LRP1B: variants seen among roughly 807,000 people sequenced by gnomAD.
The protein encoded by LRP1B is LDL receptor related protein 1B, also known as low-density lipoprotein receptor-related protein 1B.
In LRP1B, 217 loss-of-function variants were observed where a neutral mutation model predicts 556.6. The observed-to-expected ratio is 0.39, with a 90% confidence interval of 0.35 to 0.44. The LOEUF (loss-of-function observed/expected upper bound fraction) is 0.44, where lower values mean the gene tolerates loss of function less well. LRP1B is among the 20% of genes least tolerant of loss of function. The probability of loss-of-function intolerance (pLI) is 1.00; values close to 1 mark genes in which losing one functional copy is unlikely to be tolerated. For synonymous variants in LRP1B, 2,047 were observed against 1,865.8 expected (o/e 1.10, Z -2.50); for missense variants, 5,053 against 5,620.8 (o/e 0.90, Z 3.23).
intron 1 of LRP1B, among the ~76,000 whole-genome samples, chr2:142,089,854 T>C (rs1057140515): frequency 2.0e-5 from 3 of 152,200 alleles, no homozygotes; most frequent in African/African-American, 7.2e-5. Flanking sequence ...TATTTTGATA[T>C]ATTCTTGATG....
rs529948095 is a variant in LRP1B, at chr2:140,369,227, C to T, written c.11008+1483G>A. Among the ~76,000 whole-genome samples, 5 of 151,858 alleles carry T rather than the reference C, an allele frequency of 3.3e-5. No individual in the cohort carries two copies. The South Asian group carries it at 8.3e-4, about 25-fold the overall frequency. ...ATCAGGTACCTTGAGTAAAAACTGACATAATCGGAAGGACACTTACATAAG... is the reference window on the plus strand; with the variant it reads ...ATCAGGTACCTTGAGTAAAAACTGATATAATCGGAAGGACACTTACATAAG... On this transcript the variant is annotated intron_variant, in intron 71 of 90. Coordinates refer to ENST00000389484, the MANE Select transcript of LRP1B (RefSeq NM_018557.3).
chr2:140,278,544 G>A lies in LRP1B; in HGVS notation c.12968-3946C>T, dbSNP rs186809073. Among the ~76,000 whole-genome samples, 7 of 151,756 alleles carry A rather than the reference G, an allele frequency of 4.6e-5. No homozygotes were observed. In the East Asian group the frequency reaches 1.2e-3, roughly 25 times the overall value. ...CAGAAAATCCTTCACTCTTTAATGC[G>A]TCCAATTTTTTTTCATAGCATGTCA... On this transcript the variant is annotated intron_variant, in intron 84 of 90. Coordinates refer to ENST00000389484, the MANE Select transcript of LRP1B (RefSeq NM_018557.3).
rs191448198 is a variant in LRP1B at position 141,161,136 on chromosome 2, G to A, written c.1013+27285C>T. On this transcript the variant is annotated intron_variant, in intron 7 of 90. Transcript: ENST00000389484. The stretch of plus-strand genomic sequence containing the variant: ...TTTCTTCTATCCATCATCTAAAATA[G>A]AAGAAAATTAGTGCAAAATTTTTTA... 8.5e-5 allele frequency among the ~76,000 whole-genome samples: 13 copies of A among 152,056 alleles called. No individual in the cohort carries two copies. The East Asian group carries it at 2.5e-3, about 30-fold the overall frequency.
At chr2:140,778,709 T>C (rs767003210) in intron 32 of LRP1B, among the ~76,000 whole-genome samples, 8 of 152,012 alleles carry the variant, frequency 5.3e-5, no homozygotes, top group Non-Finnish European at 1.0e-4. Context: ...CTAACAGGTG[T>C]TGAGTTTTGG....
At chr2:140,663,045 T>C (rs1164626606) in intron 41 of LRP1B, among the ~76,000 whole-genome samples, 1 of 152,136 alleles carries the variant, frequency 6.6e-6, no homozygotes, top group Admixed American at 6.6e-5. Flanking sequence ...TAAAACAACA[T>C]GTAGCCTTCA....
chr2:141,997,130 C>G (rs72853652), intron 1 of LRP1B, among the ~76,000 whole-genome samples: 32,828 of 151,848 alleles, frequency 0.22, 4,180 homozygotes, highest in East Asian at 0.31. Context: ...TTCAAATGCC[C>G]GCGAGGCCAA....
intron 46 of LRP1B, among the ~76,000 whole-genome samples, chr2:140,535,411 TG>T (rs1690905969): frequency 6.6e-6 from 1 of 152,182 alleles, no homozygotes; most frequent in African/African-American, 2.4e-5. Context: ...ACATCAATTA[TG>T]GACAAATTAC....
At chr2:140,764,677 G>C (rs192418747) in intron 35 of LRP1B, among the ~76,000 whole-genome samples, 2 of 152,266 alleles carry the variant, frequency 1.3e-5, no homozygotes, top group East Asian at 3.9e-4. Context: ...TGATCAGAAA[G>C]TAGAGTTCCC....
chr2:140,819,715 A>G (rs1360811010), intron 31 of LRP1B, among the ~76,000 whole-genome samples: 3 of 152,220 alleles, frequency 2.0e-5, no homozygotes, highest in African/African-American at 7.2e-5. Context: ...TAGAAGAAAT[A>G]AAAGTGTTTT....
intron 23 of LRP1B, among the ~76,000 whole-genome samples, chr2:140,889,600 C>T (rs563436999): frequency 6.6e-6 from 1 of 152,198 alleles, no homozygotes; most frequent in African/African-American, 2.4e-5. Flanking sequence ...CCCAGCCATT[C>T]TTAAACATTT....
intron 1 of LRP1B, among the ~76,000 whole-genome samples, chr2:141,943,293 T>C (rs1700867156): frequency 1.3e-5 from 2 of 152,218 alleles, no homozygotes; most frequent in Admixed American, 6.5e-5. Context: ...AAAATCTGTA[T>C]ATATTCCGAA....
At chr2:140,589,079 G>A (rs1027188735) in intron 43 of LRP1B, among the ~76,000 whole-genome samples, 1 of 151,914 alleles carries the variant, frequency 6.6e-6, no homozygotes, top group African/African-American at 2.4e-5. Context: ...AATGTGAAAT[G>A]TGAAACTATA....
At chr2:140,247,686 A>T (rs1681227883) in intron 86 of LRP1B, among the ~76,000 whole-genome samples, 1 of 151,652 alleles carries the variant, frequency 6.6e-6, no homozygotes, top group African/African-American at 2.4e-5. Flanking sequence ...ATTTTAAATC[A>T]TACTTCTATT....
At chr2:141,711,484 G>A (rs1692354826) in intron 2 of LRP1B, among the ~76,000 whole-genome samples, 1 of 152,176 alleles carries the variant, frequency 6.6e-6, no homozygotes, top group Non-Finnish European at 1.5e-5. Flanking sequence ...AAGAGAGCTA[G>A]AGAGTGAGCA....
At chr2:141,251,584 A>C (rs1243039518) in intron 4 of LRP1B, among the ~76,000 whole-genome samples, 1 of 152,172 alleles carries the variant, frequency 6.6e-6, no homozygotes. Flanking sequence ...AAGGTATATA[A>C]GAAAGAGGTA....
At chr2:140,635,141 TATC>T (rs1055652593) in intron 41 of LRP1B, among the ~76,000 whole-genome samples, 78 of 152,232 alleles carry the variant, frequency 5.1e-4, no homozygotes, top group African/African-American at 1.7e-3. Flanking sequence ...GTTATAGTGT[TATC>T]ATTTCCTATT....
At chr2:141,339,798 A>T (rs1346494402) in intron 3 of LRP1B, among the ~76,000 whole-genome samples, 1 of 150,272 alleles carries the variant, frequency 6.7e-6, no homozygotes, top group African/African-American at 2.4e-5. Flanking sequence ...TTTATTTTAC[A>T]GCTTTAGAGG....
At chr2:140,825,427 CTT>C (rs202028363) in intron 31 of LRP1B, among the ~76,000 whole-genome samples, 1 of 145,754 alleles carries the variant, frequency 6.9e-6, no homozygotes, top group Non-Finnish European at 1.5e-5. Flanking sequence ...ATAGGAAGTC[CTT>C]TTTTTTTTTA....
At chr2:140,855,493 G>GAAAAAAAAAAA in intron 27 of LRP1B, among the ~76,000 whole-genome samples, 2 of 99,410 alleles carry the variant, frequency 2.0e-5, no homozygotes, top group Admixed American at 1.1e-4. Flanking sequence ...TCTCTACTGG[G>GAAAAAAAAAAA]AAAAAAAAAA....
Sources: allele counts gnomAD v4.1 joint callset (sites outside exome capture counted in the v4.1 genomes callset), GRCh38; gene constraint gnomAD v4.1.1; transcripts MANE v1.5; gene names NCBI Gene and HGNC (gene_info 2026-07-23, HGNC 2026-07-21).